Variants in PIK3C2G observed in about 807,000 individuals in gnomAD.
The protein encoded by PIK3C2G is phosphatidylinositol 3-kinase C2 domain-containing subunit gamma.
In PIK3C2G, 168 loss-of-function variants were observed where a neutral mutation model predicts 181.1. The observed-to-expected ratio is 0.93, with a 90% CI of 0.82 to 1.05. PIK3C2G has a LOEUF of 1.05. PIK3C2G is among the 50% of genes least tolerant of loss of function. The pLI, the probability that PIK3C2G is intolerant of heterozygous loss-of-function variation, is 0.00. For missense variants in PIK3C2G, 1,869 were observed against 1,732.8 expected, an observed-to-expected ratio of 1.08 and a Z score of -1.40; for synonymous variants, 573 against 592.2, an observed-to-expected ratio of 0.97 and a Z score of 0.47.
intron 30 of PIK3C2G, among the ~76,000 whole-genome samples, chr12:18,597,219 G>A (rs1256682124): frequency 2.0e-5 from 3 of 151,438 alleles, no homozygotes; most frequent in Non-Finnish European, 4.4e-5. Flanking sequence ...ATAATTGGGT[G>A]GTAGATGAAA....
At chr12:18,534,935 AAGAAATATCTAT>A (rs1943768605) in intron 24 of PIK3C2G, among the ~76,000 whole-genome samples, 1 of 152,102 alleles carries the variant, frequency 6.6e-6, no homozygotes, top group Non-Finnish European at 1.5e-5. Flanking sequence ...TTGTCACAGC[AAGAAATATCTAT>A]AGTTTATTTT....
rs184962679 is a variant in PIK3C2G, at chr12:18,343,294, G to T, written c.1396-33G>T. Reference sequence around the variant, plus strand: ...TGACTATTTTGTGAATTTGTTGTGCGAATAACAAGTATAATTTTACATTTT... The same window carrying T: ...TGACTATTTTGTGAATTTGTTGTGCTAATAACAAGTATAATTTTACATTTT... On this transcript the variant is annotated intron_variant, in intron 9 of 32. Transcript: ENST00000538779. 1.8e-3 allele frequency: 2,065 copies of T among 1,178,928 alleles called. 14 individuals carry two copies. Among genetic ancestry groups the T allele is most frequent in the Non-Finnish European group, 1.4e-3 (1,125 of 823,246 alleles). The allele number at this position is 1,178,928 out of a possible 1,614,324, so 73.0% of individuals were successfully genotyped here. A position where few individuals can be genotyped will look rare whatever the true frequency, so the allele number is the denominator to read the frequency against.
downstream of PIK3C2G, among the ~76,000 whole-genome samples, chr12:18,650,293 TTC>T (rs140285960): frequency 0.11 from 9,520 of 87,078 alleles, 727 homozygotes; most frequent in East Asian, 0.34. Context: ...TAACCCAAAT[TTC>T]TCTCTCTCTC....
intron 29 of PIK3C2G, among the ~76,000 whole-genome samples, chr12:18,571,869 G>A (rs1017001677): frequency 6.6e-6 from 1 of 150,490 alleles, no homozygotes; most frequent in Non-Finnish European, 1.5e-5. Context: ...AAATACATGT[G>A]TGCATGTGTC....
At chr12:18,561,103 T>C (rs1459506866) in intron 26 of PIK3C2G, among the ~76,000 whole-genome samples, 2 of 152,228 alleles carry the variant, frequency 1.3e-5, no homozygotes, top group African/African-American at 2.4e-5. Context: ...ACTTATTTCC[T>C]TGAGCACTTC....
intron 14 of PIK3C2G, among the ~76,000 whole-genome samples, chr12:18,383,001 A>C (rs1177164422): frequency 2.0e-5 from 3 of 152,222 alleles, no homozygotes; most frequent in Non-Finnish European, 4.4e-5. Context: ...CATGTTAAAA[A>C]AGAATGCTTA....
At chr12:18,577,753 A>G (rs1307483156) in intron 29 of PIK3C2G, among the ~76,000 whole-genome samples, 1 of 152,194 alleles carries the variant, frequency 6.6e-6, no homozygotes, top group Non-Finnish European at 1.5e-5. Context: ...TTGATTTTGC[A>G]TAATGAATAT....
chr12:18,332,400 G>A (rs117596951), intron 8 of PIK3C2G, among the ~76,000 whole-genome samples: 6,069 of 152,200 alleles, frequency 0.04, 187 homozygotes, highest in Non-Finnish European at 0.061. Context: ...ACCAGTCACA[G>A]CCTTAGGCAG....
intron 7 of PIK3C2G, among the ~76,000 whole-genome samples, chr12:18,321,450 A>G (rs754395502): frequency 2.0e-5 from 3 of 152,234 alleles, no homozygotes; most frequent in Non-Finnish European, 4.4e-5. Flanking sequence ...TGTAAATTCA[A>G]ATTGGAAAAC....
intron 32 of PIK3C2G, among the ~76,000 whole-genome samples, chr12:18,642,786 CTGTGTGTGTG>C (rs56095750): frequency 5.2e-4 from 74 of 143,176 alleles, no homozygotes; most frequent in South Asian, 6.9e-4. Flanking sequence ...ATAAGTGACA[CTGTGTGTGTG>C]TGTGTGTGTG....
the PIK3C2G span, chr12:18,714,685 T>G: frequency 6.6e-6 from 1 of 152,126 alleles, no homozygotes; most frequent in East Asian, 1.9e-4. Context: ...GGTTTTCCAC[T>G]GGGACGACTT....
At chr12:18,303,223 TTCTTTCTC>T (rs1288925836) in intron 5 of PIK3C2G, among the ~76,000 whole-genome samples, 6 of 151,090 alleles carry the variant, frequency 4.0e-5, no homozygotes, top group Non-Finnish European at 5.9e-5. Flanking sequence ...TTTTCTTTCC[TTCTTTCTC>T]TCTTTCTCTC....
chr12:18,322,186 C>G (rs1225282604), intron 7 of PIK3C2G, among the ~76,000 whole-genome samples: 1 of 152,020 alleles, frequency 6.6e-6, no homozygotes, highest in African/African-American at 2.4e-5. Context: ...AGTTCAAGAC[C>G]AGCCTGGCCA....
intron 18 of PIK3C2G, among the ~76,000 whole-genome samples, chr12:18,450,211 C>T (rs1947273032): frequency 6.6e-6 from 1 of 152,230 alleles, no homozygotes; most frequent in African/African-American, 2.4e-5. Context: ...ACCGCAACCT[C>T]CACCTCCTGG....
intron 5 of PIK3C2G, among the ~76,000 whole-genome samples, chr12:18,313,445 G>A (rs1438003857): frequency 1.3e-5 from 2 of 151,736 alleles, no homozygotes; most frequent in East Asian, 1.9e-4. Flanking sequence ...TAGTTTAATT[G>A]GCCTTCCTAA....
intron 11 of PIK3C2G, among the ~76,000 whole-genome samples, chr12:18,349,453 G>A (rs183952899): frequency 6.6e-6 from 1 of 152,200 alleles, no homozygotes; most frequent in African/African-American, 2.4e-5. Context: ...TCAAATCTGA[G>A]GATCTGAAAC....
At chr12:18,724,045 G>A in the PIK3C2G span, among the ~76,000 whole-genome samples, 1 of 152,084 alleles carries the variant, frequency 6.6e-6, no homozygotes, top group Non-Finnish European at 1.5e-5. Context: ...GTTCCAATAA[G>A]AAAGAGTGGA....
chr12:18,317,642 A>G (rs1950927366), intron 6 of PIK3C2G, among the ~76,000 whole-genome samples: 1 of 152,222 alleles, frequency 6.6e-6, no homozygotes, highest in Non-Finnish European at 1.5e-5. Context: ...GCAGATGGGT[A>G]AGAGGGGCTA....
At chr12:18,648,610 T>A (rs1425230841), downstream of PIK3C2G, among the ~76,000 whole-genome samples, 1 of 152,156 alleles carries the variant, frequency 6.6e-6, no homozygotes, top group African/African-American at 2.4e-5. Context: ...TTTTTCACCC[T>A]CTTCACCACC....
Sources: allele counts gnomAD v4.1 joint callset (sites outside exome capture counted in the v4.1 genomes callset), GRCh38; gene constraint gnomAD v4.1.1; transcripts MANE v1.5; gene names NCBI Gene and HGNC (gene_info 2026-07-23, HGNC 2026-07-21).